PDGFRB: variants seen among roughly 807,000 people sequenced by gnomAD.
PDGFRB encodes platelet-derived growth factor receptor beta.
In PDGFRB, 42 loss-of-function variants were observed where a neutral mutation model predicts 120.2. That is an observed-to-expected ratio of 0.35 (90% CI 0.27 to 0.45). The LOEUF is 0.45. Among genes scored for constraint, PDGFRB ranks in the 20% least tolerant of loss-of-function variants. The pLI is 1.00. For missense variants in PDGFRB, 1,149 were observed against 1,476.3 expected, an observed-to-expected ratio of 0.78 and a Z score of 3.63; for synonymous variants, 586 against 606.8, an observed-to-expected ratio of 0.97 and a Z score of 0.50.
chr5:150,115,410 G>T lies in PDGFRB; in HGVS notation c.*353C>A, dbSNP rs919729599. On this transcript the variant is annotated 3_prime_UTR_variant, in exon 23 of 23. Transcript: ENST00000261799. Reference sequence around the variant, plus strand: ...CTCAGTAACTCCAAGAATCTTCCCAGGGAGGGATTCGGTCTCCCCACCTGT... The same window carrying T: ...CTCAGTAACTCCAAGAATCTTCCCATGGAGGGATTCGGTCTCCCCACCTGT... 1 of 255,976 alleles carries T rather than the reference G, an allele frequency of 3.9e-6. No individual in the cohort carries two copies. Among genetic ancestry groups the T allele is most frequent in the Non-Finnish European group, 7.4e-6 (1 of 134,360 alleles). 15.9% of individuals were successfully genotyped at this position (255,976 alleles called of 1,614,324 possible). A position where few individuals can be genotyped will look rare whatever the true frequency, so the allele number is the denominator to read the frequency against.
In PDGFRB at chr5:150,155,546, T is replaced by C. The variant is rs1336770407; in HGVS notation, c.-156A>G. ...AGCTGAGTAGAAGGACAGGCAGGACTGGTGCAGGCTCCTGAAGGCTCAGGA... is the reference window on the plus strand; with the variant it reads ...AGCTGAGTAGAAGGACAGGCAGGACCGGTGCAGGCTCCTGAAGGCTCAGGA... On this transcript the variant is annotated 5_prime_UTR_variant, in exon 1 of 23. Coordinates refer to ENST00000261799, the MANE Select transcript of PDGFRB (RefSeq NM_002609.4). 1 of 398,580 alleles carries C rather than the reference T, an allele frequency of 2.5e-6. No individual in the cohort carries two copies. The highest frequency in any genetic ancestry group is 2.1e-5 in the African/African-American group (1 of 48,604). 24.7% of individuals were successfully genotyped at this position (398,580 alleles called of 1,614,324 possible).
chr5:150,117,881 C>T (rs373148050), intron 21 of PDGFRB, 31 bp from the exon 22 acceptor site: 4 of 1,287,290 alleles, frequency 3.1e-6, no homozygotes, highest in Admixed American at 1.9e-5. Context: ...ACCAAAGAAA[C>T]AGGGATGGTC....
chr5:150,117,438 CA>C (rs1413568269), intron 22 of PDGFRB, among the ~76,000 whole-genome samples, 179 bp downstream of exon 22: 4 of 152,226 alleles, frequency 2.6e-5, no homozygotes, highest in Middle Eastern at 3.4e-3. Flanking sequence ...CTCAGGGCAT[CA>C]AAGTTCAAAT....
Position 150,120,292 on chromosome 5 carries a change from G to A in PDGFRB, c.2587-169C>T, listed in dbSNP as rs1229766070. 6.6e-6 allele frequency among the ~76,000 whole-genome samples: 1 copy of A among 152,158 alleles called. No individual in the cohort carries two copies. The highest frequency in any genetic ancestry group is 1.5e-5 in the Non-Finnish European group (1 of 68,034). ...AGCACAGTTCCCATGTCCATCCCAG[G>A]GCTGGTCAGAGGACCAGAGGCTGTT... On this transcript the variant is annotated intron_variant, in intron 18 of 22. Transcript: ENST00000261799. This position sits in a 1 kb window ranked among gnomAD's most constrained non-coding sequence, Gnocchi z 4.3.
chr5:150,122,799 G>A (rs985693631), intron 15 of PDGFRB, among the ~76,000 whole-genome samples: 2 of 152,206 alleles, frequency 1.3e-5, no homozygotes, highest in South Asian at 4.1e-4. Context: ...TGGACTGAAG[G>A]GCAAACACCC....
intron 1 of PDGFRB, chr5:150,137,304 G>A: frequency 2.2e-6 from 1 of 460,614 alleles, no homozygotes; most frequent in Non-Finnish European, 3.9e-6. Flanking sequence ...CTCTCACGTG[G>A]CCTCGGCTGC....
rs1214250173 is a variant in PDGFRB, at chr5:150,118,802, G to C, written c.2849C>G (p.Pro950Arg). Residue 950 changes from proline (P) to arginine (R), a missense_variant, in exon 21 of 23, where the codon CCC (proline) becomes CGC (arginine). Around this residue, in one of 3 missense-constraint regions of PDGFRB, gnomAD observed 202 missense variants for 214.3 expected, o/e 0.94. Coordinates refer to ENST00000261799, the MANE Select transcript of PDGFRB (RefSeq NM_002609.4). Reference protein sequence around the residue: ...CWEEKFEIRPPFSQLVLLLER... With the variant: ...CWEEKFEIRPRFSQLVLLLER... ...GAGAAGCAGCACCAGCTGGGAGAAG[G>C]GGGGCCGAATCTCAAACTTCTCTTC... 4 of 1,613,642 alleles carry C rather than the reference G, an allele frequency of 2.5e-6. No homozygotes were observed. The highest frequency in any genetic ancestry group is 3.4e-6 in the Non-Finnish European group (4 of 1,179,640).
At chr5:150,124,893 G>GGGGCCC in intron 12 of PDGFRB, 62 bp from the exon 13 acceptor site, 1 of 752,550 alleles carries the variant, frequency 1.3e-6, no homozygotes, top group Non-Finnish European at 2.1e-6. Context: ...TCCCCCAGCT[G>GGGGCCC]CCCCCCTCCC....
In PDGFRB at chr5:150,120,843, C is replaced by T; in HGVS notation, c.2586+45G>A. ...TCAGGAGGGAATCTGTTCCTGCGGT[C>T]ACAGGCACTGTGACTGCCCTGCAGG... On this transcript the variant is annotated intron_variant, in intron 18 of 22. Coordinates refer to ENST00000261799, the MANE Select transcript of PDGFRB (RefSeq NM_002609.4). The surrounding 1 kb of genome is among the most constrained non-coding windows in gnomAD (Gnocchi z 4.3). 1 of 1,597,750 alleles carries T rather than the reference C, an allele frequency of 6.3e-7. No individual in the cohort carries two copies. Among genetic ancestry groups the T allele is most frequent in the Non-Finnish European group, 8.6e-7 (1 of 1,165,638 alleles).
chr5:150,117,526 CA>C, intron 22 of PDGFRB, 91 bp downstream of exon 22: 3 of 635,342 alleles, frequency 4.7e-6, no homozygotes, highest in South Asian at 2.0e-5. Context: ...GCAAACCTGG[CA>C]GCGCGCGCGC....
At chr5:150,154,738 C>T (rs1449363939) in intron 1 of PDGFRB, among the ~76,000 whole-genome samples, 4 of 152,198 alleles carry the variant, frequency 2.6e-5, no homozygotes, top group Non-Finnish European at 5.9e-5. Context: ...CCCTTCTTCA[C>T]AGAGGAGCCC....
intron 10 of PDGFRB, among the ~76,000 whole-genome samples, chr5:150,128,747 G>A (rs1760366913): frequency 6.6e-6 from 1 of 152,186 alleles, no homozygotes; most frequent in Non-Finnish European, 1.5e-5. Context: ...CTGGGCATGG[G>A]ACCCCTTCTC....
intron 22 of PDGFRB, 66 bp downstream of exon 22, chr5:150,117,532 GCGCGCGCGCGCGCACACACA>G (rs1759981377): frequency 8.1e-6 from 5 of 618,824 alleles, no homozygotes; most frequent in African/African-American, 3.3e-5. Context: ...CTGGCAGCGC[GCGCGCGCGCGCGCACACACA>G]CACACACACA....
intron 1 of PDGFRB, among the ~76,000 whole-genome samples, chr5:150,150,123 C>T (rs1761032951): frequency 6.6e-6 from 1 of 152,200 alleles, no homozygotes; most frequent in African/African-American, 2.4e-5. Flanking sequence ...CTTTTCAGCC[C>T]ATAGCCCAGA....
chr5:150,142,659 G>A (rs571511984), intron 1 of PDGFRB, among the ~76,000 whole-genome samples: 1 of 150,580 alleles, frequency 6.6e-6, no homozygotes, highest in Non-Finnish European at 1.5e-5. Context: ...TACATTCCAA[G>A]GCCCCAGTAG....
At chr5:150,137,188 G>T (rs952159565) in intron 1 of PDGFRB, 135 bp from the exon 2 acceptor site, 2 of 653,810 alleles carry the variant, frequency 3.1e-6, no homozygotes, top group Non-Finnish European at 5.3e-6. Context: ...GAAGTCAAAA[G>T]CCACCACGTC....
chr5:150,146,169 CTAT>C (rs59965609), intron 1 of PDGFRB, among the ~76,000 whole-genome samples: 38,816 of 151,956 alleles, frequency 0.26, 6,196 homozygotes, highest in African/African-American at 0.44. Context: ...AGAGGGCAGA[CTAT>C]TGAGAATTGT....
At chr5:150,146,047 A>C (rs988846328) in intron 1 of PDGFRB, among the ~76,000 whole-genome samples, 3 of 152,060 alleles carry the variant, frequency 2.0e-5, no homozygotes, top group Non-Finnish European at 4.4e-5. Flanking sequence ...GTCTTAGTAC[A>C]TTCCCTCTAT....
intron 10 of PDGFRB, among the ~76,000 whole-genome samples, chr5:150,129,308 C>A (rs1760385146): frequency 6.6e-6 from 1 of 152,188 alleles, no homozygotes; most frequent in Non-Finnish European, 1.5e-5. Context: ...ACATGGCTTA[C>A]AAACACGTGG....
Sources: gnomAD v4.1 joint callset for allele counts (sites outside exome capture counted in the v4.1 genomes callset) on GRCh38, gnomAD v4.1.1 for gene constraint, gnomAD v4.1.1 regional missense constraint, Gnocchi (gnomAD v3.1) non-coding constraint, MANE v1.5 for transcripts, NCBI Gene and HGNC (gene_info 2026-07-23, HGNC 2026-07-21) for gene names.